PAK5: variants seen among roughly 807,000 people sequenced by gnomAD.
The protein encoded by PAK5 is p21 (RAC1) activated kinase 5.
A neutral mutation model predicts 65.9 loss-of-function variants in PAK5; 16 were observed. That is an observed-to-expected ratio of 0.24 (90% confidence interval 0.16 to 0.37). The LOEUF (loss-of-function observed/expected upper bound fraction) is 0.37, where lower values mean the gene tolerates loss of function less well. Ranked by LOEUF, PAK5 falls within the 10% of genes least tolerant of loss-of-function variation. PAK5 has a pLI of 1.00. For missense variants in PAK5, 785 were observed against 903.9 expected, an observed-to-expected ratio of 0.87 and a Z score of 1.69; for synonymous variants, 371 against 354.9, an observed-to-expected ratio of 1.05 and a Z score of -0.51.
intron 1 of PAK5, among the ~76,000 whole-genome samples, chr20:9,821,502 A>G (rs2049420823): frequency 1.3e-5 from 2 of 152,194 alleles, no homozygotes; most frequent in South Asian, 4.1e-4. Flanking sequence ...CCTATTGGCA[A>G]TCACTGATAT....
chr20:9,571,362 G>A (rs537123749), intron 4 of PAK5, among the ~76,000 whole-genome samples: 2 of 152,162 alleles, frequency 1.3e-5, no homozygotes, highest in Non-Finnish European at 2.9e-5. Flanking sequence ...TTTATTCTGG[G>A]AATCAAGCAG....
chr20:9,790,477 A>T (rs1469833828), intron 1 of PAK5, among the ~76,000 whole-genome samples: 9 of 151,984 alleles, frequency 5.9e-5, no homozygotes. Flanking sequence ...ATGATCTCTT[A>T]AAAAAAGCCA....
intron 1 of PAK5, among the ~76,000 whole-genome samples, chr20:9,813,829 A>G (rs1425160064): frequency 3.3e-5 from 5 of 152,230 alleles, no homozygotes; most frequent in Admixed American, 1.3e-4. Flanking sequence ...AAGGAAATCC[A>G]GCAAGGGCTT....
At chr20:9,747,132 C>A (rs1043649190) in intron 1 of PAK5, among the ~76,000 whole-genome samples, 10 of 152,036 alleles carry the variant, frequency 6.6e-5, no homozygotes, top group Non-Finnish European at 2.9e-5. Context: ...AAGACTAAAC[C>A]AGGAAGAAGT....
At chr20:9,804,255 T>C (rs1246876375) in intron 1 of PAK5, among the ~76,000 whole-genome samples, 1 of 152,216 alleles carries the variant, frequency 6.6e-6, no homozygotes, top group Non-Finnish European at 1.5e-5. Flanking sequence ...GTGCTTATGA[T>C]AAAATACAGA....
chr20:9,802,640 G>A lies in PAK5; in HGVS notation c.-162+36122C>T, dbSNP rs144378082. ...ATTCTGAAAGTCTTTGAAAAAGAAC[G>A]TAAGCACATACTTTAAAATCACAAG... On this transcript the variant is annotated intron_variant, in intron 1 of 9. Transcript: ENST00000353224. Among the ~76,000 whole-genome samples, 1,136 of 151,774 alleles carry A rather than the reference G, an allele frequency of 7.5e-3. 9 individuals carry two copies. The highest frequency in any genetic ancestry group is 0.013 in the Non-Finnish European group (899 of 67,930).
intron 2 of PAK5, among the ~76,000 whole-genome samples, chr20:9,647,881 C>T (rs1482225764): frequency 6.6e-6 from 1 of 152,216 alleles, no homozygotes; most frequent in African/African-American, 2.4e-5. Flanking sequence ...GTGGCTACTA[C>T]TCTGTTAGCA....
At chr20:9,612,480 G>A (rs28755788) in intron 3 of PAK5, among the ~76,000 whole-genome samples, 327 of 152,262 alleles carry the variant, frequency 2.1e-3, no homozygotes, top group Middle Eastern at 3.4e-3. Context: ...AGAAGGCAAA[G>A]GAGAAACAGC....
At chr20:9,760,756 C>T (rs1370166180) in intron 1 of PAK5, among the ~76,000 whole-genome samples, 2 of 148,066 alleles carry the variant, frequency 1.4e-5, no homozygotes, top group Non-Finnish European at 3.0e-5. Context: ...ACTGCAATCT[C>T]CACCTTCCAG....
chr20:9,642,091 A>G (rs545720619), intron 3 of PAK5, among the ~76,000 whole-genome samples: 485 of 152,358 alleles, frequency 3.2e-3, no homozygotes, highest in African/African-American at 9.6e-3. Context: ...GTGGGAGCCC[A>G]GGCAGGGGAG....
At chr20:9,587,155 G>A (rs767718056) in intron 3 of PAK5, among the ~76,000 whole-genome samples, 23 of 152,218 alleles carry the variant, frequency 1.5e-4, no homozygotes, top group Non-Finnish European at 2.6e-4. Context: ...GGCTGCAGTG[G>A]TAAATTTTAC....
At chr20:9,587,088 G>A (rs1049433839) in intron 3 of PAK5, among the ~76,000 whole-genome samples, 5 of 152,034 alleles carry the variant, frequency 3.3e-5, no homozygotes, top group South Asian at 2.1e-4. Flanking sequence ...GATTCCTGAC[G>A]TATACAAAGT....
intron 2 of PAK5, among the ~76,000 whole-genome samples, chr20:9,679,289 A>G (rs2123397096): frequency 6.6e-6 from 1 of 152,336 alleles, no homozygotes; most frequent in South Asian, 2.1e-4. Flanking sequence ...ACTTCCAGTC[A>G]ACAGTAGGCC....
intron 3 of PAK5, among the ~76,000 whole-genome samples, chr20:9,634,013 CT>C (rs1355529732): frequency 6.6e-6 from 1 of 152,046 alleles, no homozygotes; most frequent in Non-Finnish European, 1.5e-5. Context: ...TGCCTTTTTT[CT>C]TTTGATTTAG....
chr20:9,741,361 A>G (rs1321500225), intron 1 of PAK5, among the ~76,000 whole-genome samples: 1 of 152,180 alleles, frequency 6.6e-6, no homozygotes, highest in East Asian at 1.9e-4. Flanking sequence ...TATTTTTCTT[A>G]TCCCAGCCAA....
chr20:9,694,771 C>G (rs904217973), intron 2 of PAK5, among the ~76,000 whole-genome samples: 1 of 151,970 alleles, frequency 6.6e-6, no homozygotes, highest in Admixed American at 6.6e-5. Flanking sequence ...CATGACTATA[C>G]CATAATTTGT....
chr20:9,587,873 C>CAT (rs985734523), intron 3 of PAK5, among the ~76,000 whole-genome samples: 3 of 151,974 alleles, frequency 2.0e-5, no homozygotes, highest in Non-Finnish European at 4.4e-5. Context: ...TATATACATA[C>CAT]ATATATATAA....
chr20:9,684,934 C>G (rs1030869613), intron 2 of PAK5, among the ~76,000 whole-genome samples: 3 of 152,206 alleles, frequency 2.0e-5, no homozygotes, highest in Non-Finnish European at 2.9e-5. Flanking sequence ...TATAGAGGAT[C>G]TAACCAGATT....
intron 1 of PAK5, among the ~76,000 whole-genome samples, chr20:9,835,768 C>G (rs1372869878): frequency 6.6e-6 from 1 of 151,916 alleles, no homozygotes; most frequent in Non-Finnish European, 1.5e-5. Context: ...TGTGGAGGGT[C>G]AAGGGAAAGG....
Sources: allele counts gnomAD v4.1 joint callset (sites outside exome capture counted in the v4.1 genomes callset), GRCh38; gene constraint gnomAD v4.1.1; transcripts MANE v1.5; gene names NCBI Gene and HGNC (gene_info 2026-07-23, HGNC 2026-07-21).